Variants in NIBAN1 observed in about 807,000 individuals in gnomAD.
NIBAN1 encodes the protein protein Niban 1.
NIBAN1 carries 81 observed loss-of-function variants against 75.1 expected under a neutral mutation model. The observed-to-expected ratio is 1.08, with a 90% CI of 0.90 to 1.30. NIBAN1 has a LOEUF of 1.30. Ranked by LOEUF, NIBAN1 falls within the 50% of genes most tolerant of loss-of-function variation. The pLI is 0.00. For missense variants in NIBAN1, 1,133 were observed against 1,128.1 expected, an observed-to-expected ratio of 1.00 and a Z score of -0.06; for synonymous variants, 436 against 424.8, an observed-to-expected ratio of 1.03 and a Z score of -0.32.
chr1:184,831,969 A>G lies in NIBAN1; in HGVS notation c.602-7T>C. ...GTCATCTGCTTCATGTAATCTAAAG[A>G]AAAGAAGAAAGGGCATTCAGCAAGA... On this transcript the variant is annotated splice_polypyrimidine_tract_variant and splice_region_variant and intron_variant, in intron 5 of 13. Coordinates refer to ENST00000367511, the MANE Select transcript of NIBAN1 (RefSeq NM_052966.4). The G allele has an allele frequency of 6.2e-7, 1 of 1,606,246 alleles. No homozygotes were observed.
At chr1:184,947,283 C>T (rs1658251713) in intron 1 of NIBAN1, among the ~76,000 whole-genome samples, 1 of 152,058 alleles carries the variant, frequency 6.6e-6, no homozygotes, top group Admixed American at 6.5e-5. Context: ...AGGGGTTTGG[C>T]TTCAGACACA....
chr1:184,915,523 TTCC>T (rs1557912830), intron 1 of NIBAN1, among the ~76,000 whole-genome samples: 1 of 152,200 alleles, frequency 6.6e-6, no homozygotes, highest in Non-Finnish European at 1.5e-5. Flanking sequence ...GGAGATTGTA[TTCC>T]AGAATGCTGA....
chr1:184,805,175 C>T (rs900303833), intron 11 of NIBAN1, among the ~76,000 whole-genome samples: 2 of 152,158 alleles, frequency 1.3e-5, no homozygotes, highest in South Asian at 2.1e-4. Flanking sequence ...ATTCAGAGAC[C>T]ACCCCTAGGC....
chr1:184,814,494 G>A (rs2102208467), intron 9 of NIBAN1, among the ~76,000 whole-genome samples: 1 of 152,208 alleles, frequency 6.6e-6, no homozygotes, highest in East Asian at 1.9e-4. Context: ...AACTACAAAA[G>A]GGAAGGCAAG....
intron 5 of NIBAN1, among the ~76,000 whole-genome samples, chr1:184,851,996 C>T (rs878934195): frequency 2.6e-5 from 4 of 152,124 alleles, no homozygotes; most frequent in African/African-American, 2.4e-5. Context: ...AGTCCCACCA[C>T]GCGGGGTCCA....
chr1:184,968,342 A>C (rs1487984567), intron 1 of NIBAN1, among the ~76,000 whole-genome samples: 2 of 152,254 alleles, frequency 1.3e-5, no homozygotes, highest in African/African-American at 4.8e-5. Flanking sequence ...AGGAAATAGA[A>C]AGTAATTATT....
chr1:184,921,353 G>A lies in NIBAN1; in HGVS notation c.56-22044C>T, dbSNP rs188149211. ...TATAAAAAGACATCCTAAGGTAAGCGAAAACAACAAAAAAGTGAATACAGA... is the reference window on the plus strand; with the variant it reads ...TATAAAAAGACATCCTAAGGTAAGCAAAAACAACAAAAAAGTGAATACAGA... On this transcript the variant is annotated intron_variant, in intron 1 of 13. Coordinates refer to ENST00000367511, the MANE Select transcript of NIBAN1 (RefSeq NM_052966.4). Among the ~76,000 whole-genome samples, 494 of 151,938 alleles carry A rather than the reference G, an allele frequency of 3.3e-3. 1 individual carries two copies. The highest frequency in any genetic ancestry group is 0.011 in the African/African-American group (451 of 41,444).
intron 4 of NIBAN1, among the ~76,000 whole-genome samples, chr1:184,886,892 G>C (rs546260470): frequency 1.3e-5 from 2 of 152,162 alleles, no homozygotes; most frequent in Non-Finnish European, 2.9e-5. Flanking sequence ...GGAGGCCAAG[G>C]AGGGTAGATC....
intron 2 of NIBAN1, among the ~76,000 whole-genome samples, chr1:184,896,895 G>A (rs558791381): frequency 6.6e-6 from 1 of 152,118 alleles, no homozygotes; most frequent in East Asian, 1.9e-4. Flanking sequence ...CTGTTCCATT[G>A]GTCTATGTGT....
chr1:184,823,785 G>C (rs768777257), intron 6 of NIBAN1, 43 bp from the exon 7 acceptor site: 1 of 1,545,046 alleles, frequency 6.5e-7, no homozygotes, highest in Admixed American at 1.7e-5. Context: ...GTCGGTGATG[G>C]CTACATCTGA....
In NIBAN1 at chr1:184,803,558, G is replaced by A. The variant is rs141248374; in HGVS notation, c.1554+27C>T. ...TGAACTTCAGAGGTAAGAAGAGCAA[G>A]CTCTTTAGGGTAACTCATCCCCTTA... On this transcript the variant is annotated intron_variant, in intron 12 of 13. Transcript: ENST00000367511. The A allele has an allele frequency of 2.1e-4, 329 of 1,574,080 alleles. 1 individual carries two copies. The African/African-American group carries it at 4.1e-3, about 19-fold the overall frequency.
intron 5 of NIBAN1, among the ~76,000 whole-genome samples, chr1:184,862,301 G>GT (rs1482148640): frequency 2.6e-5 from 4 of 151,688 alleles, no homozygotes; most frequent in African/African-American, 9.7e-5. Context: ...TTCTCAACAG[G>GT]TTTTTCATAC....
Position 184,808,221 on chromosome 1 carries a change from A to G in NIBAN1, c.1188T>C (p.Leu396=). The G allele has an allele frequency of 6.2e-7, 1 of 1,614,106 alleles. No homozygotes were observed. The highest frequency in any genetic ancestry group is 8.5e-7 in the Non-Finnish European group (1 of 1,179,944). ...TCACGGAATGCAGCGGAAGATTCATAAGCCGGTCTAGATGCTGCATTTTGG... is the reference window on the plus strand; with the variant it reads ...TCACGGAATGCAGCGGAAGATTCATGAGCCGGTCTAGATGCTGCATTTTGG... ...SVQLKEHLDR[L]MNLPLHSVKM... is the part of the protein sequence containing the mutation. The change falls in exon 10 of 14, where the codon CTT becomes CTC. Residue 396 remains leucine (L), a synonymous_variant. Transcript: ENST00000367511.
intron 5 of NIBAN1, among the ~76,000 whole-genome samples, chr1:184,874,966 A>G (rs905081455): frequency 2.0e-5 from 3 of 152,192 alleles, no homozygotes; most frequent in East Asian, 3.8e-4. Context: ...AAAGGACGAT[A>G]TCATACAAAT....
intron 4 of NIBAN1, among the ~76,000 whole-genome samples, chr1:184,888,475 C>G (rs1478489135): frequency 6.6e-6 from 1 of 152,212 alleles, no homozygotes; most frequent in Non-Finnish European, 1.5e-5. Context: ...CTCTAGTTAT[C>G]TCTCAACCTT....
intron 1 of NIBAN1, among the ~76,000 whole-genome samples, chr1:184,949,027 T>C (rs1025317691): frequency 5.9e-5 from 9 of 152,204 alleles, no homozygotes; most frequent in African/African-American, 2.2e-4. Context: ...TTCTAAAATC[T>C]TTTGGATTTA....
chr1:184,808,100 G>C lies in NIBAN1; in HGVS notation c.1309C>G (p.Gln437Glu). The change falls in exon 10 of 14, where the codon CAG becomes GAG. Residue 437 changes from glutamine to glutamate, a missense_variant. By Grantham distance (29) the Gln-to-Glu change is conservative. Transcript: ENST00000367511. ...TCCTGCATGTAGTTCTGTGTCCTCT[G>C]AACCACCAGATCAATGTGGGGGAAT... ...FRFPHIDLVV[Q>E]RTQNYMQELM... is the part of the protein sequence containing the mutation. 1 of 1,613,950 alleles carries C rather than the reference G, an allele frequency of 6.2e-7. No individual in the cohort carries two copies. Among genetic ancestry groups the C allele is most frequent in the East Asian group, 2.2e-5 (1 of 44,844 alleles).
chr1:184,875,140 G>C (rs796263638), intron 5 of NIBAN1, among the ~76,000 whole-genome samples: 3 of 152,176 alleles, frequency 2.0e-5, no homozygotes, highest in African/African-American at 7.2e-5. Context: ...ATCCAAACTT[G>C]TGAGATTCAG....
At position 184,795,757 on chromosome 1, in the gene NIBAN1, T is replaced by C; in HGVS notation, c.2007A>G (p.Ala669=). Residue 669 remains alanine, a synonymous_variant, in exon 14 of 14, where the codon GCA becomes GCG. Coordinates refer to ENST00000367511, the MANE Select transcript of NIBAN1 (RefSeq NM_052966.4). ...CCGGGAGTCCTGCTGTGTCCTCTGT[T>C]GCCACAGGATTCACCACGGGGTCAT... is the stretch of plus-strand genomic sequence containing the variant. ...RVDDPVVNPV[A]TEDTAGLPGT... is the part of the protein sequence containing the mutation. 6.2e-7 allele frequency: 1 copy of C among 1,612,106 alleles called. No homozygotes were observed. Among genetic ancestry groups the C allele is most frequent in the Non-Finnish European group, 8.5e-7 (1 of 1,178,806 alleles).
Sources: gnomAD v4.1 joint callset for allele counts (sites outside exome capture counted in the v4.1 genomes callset) on GRCh38, gnomAD v4.1.1 for gene constraint, MANE v1.5 for transcripts, NCBI Gene and HGNC (gene_info 2026-07-23, HGNC 2026-07-21) for gene names.